Variants in RAP1GAP2 observed in about 807,000 individuals in gnomAD.
RAP1GAP2 encodes the protein rap1 GTPase-activating protein 2.
A neutral mutation model predicts 95.0 loss-of-function variants in RAP1GAP2; 27 were observed. The ratio of observed to expected loss-of-function variants is 0.28; its 90% confidence interval spans 0.21 to 0.39. The LOEUF (loss-of-function observed/expected upper bound fraction) is 0.39. Ranked by LOEUF, RAP1GAP2 falls within the 10% of genes least tolerant of loss-of-function variation. The pLI is 1.00. For synonymous variants in RAP1GAP2, 373 were observed against 380.9 expected, an observed-to-expected ratio of 0.98 and a Z score of 0.24; for missense variants, 771 against 970.0, an observed-to-expected ratio of 0.79 and a Z score of 2.72.
At chr17:2,831,579 A>G (rs538425950) in intron 2 of RAP1GAP2, among the ~76,000 whole-genome samples, 1 of 152,100 alleles carries the variant, frequency 6.6e-6, no homozygotes, top group East Asian at 1.9e-4. Context: ...TTAATTTTGT[A>G]TAACGTAAGT....
intron 2 of RAP1GAP2, among the ~76,000 whole-genome samples, chr17:2,808,747 C>T (rs1480307579): frequency 1.3e-5 from 2 of 152,150 alleles, no homozygotes; most frequent in East Asian, 1.9e-4. Context: ...GACTCTGGTT[C>T]GTTGATTTCT....
intron 1 of RAP1GAP2, among the ~76,000 whole-genome samples, chr17:2,757,355 C>T (rs568763784): frequency 1.1e-4 from 16 of 152,238 alleles, no homozygotes; most frequent in Admixed American, 6.5e-4. Flanking sequence ...CTCCTGGGCT[C>T]GAGCGATCTA....
At position 3,034,844 on chromosome 17, in the gene RAP1GAP2, C is replaced by A. The variant is rs2047429583; in HGVS notation, c.*1483C>A. On this transcript the variant is annotated 3_prime_UTR_variant, in exon 25 of 25. Coordinates refer to ENST00000254695, the MANE Select transcript of RAP1GAP2 (RefSeq NM_015085.5). The surrounding 1 kb of genome is among the most constrained non-coding windows in gnomAD (Gnocchi z 5.1). ...CTCCAGGTACAACGAGCCTGAAGAG[C>A]CCCTTTCAGTGCAGACGGGGCTGCA... The A allele has an allele frequency of 6.6e-6, 1 of 152,312 alleles. No individual in the cohort carries two copies. Among genetic ancestry groups the A allele is most frequent in the South Asian group, 2.1e-4 (1 of 4,840 alleles). The allele number at this position is 152,312 out of a possible 1,614,324, so 9.4% of individuals were successfully genotyped here. A position where few individuals can be genotyped will look rare whatever the true frequency, so the allele number is the denominator to read the frequency against.
At chr17:2,997,750 T>C in intron 13 of RAP1GAP2, among the ~76,000 whole-genome samples, 1 of 151,798 alleles carries the variant, frequency 6.6e-6, no homozygotes, top group East Asian at 1.9e-4. Flanking sequence ...TGGTGAAACC[T>C]CGTCTCTACC....
chr17:2,987,947 T>G (rs1333104815), intron 11 of RAP1GAP2, among the ~76,000 whole-genome samples: 1 of 152,250 alleles, frequency 6.6e-6, no homozygotes, highest in Non-Finnish European at 1.5e-5. Flanking sequence ...TTGCAGAGCC[T>G]TCAGCTGTTT....
At chr17:2,891,415 A>C (rs1480046823) in intron 2 of RAP1GAP2, among the ~76,000 whole-genome samples, 1 of 152,106 alleles carries the variant, frequency 6.6e-6, no homozygotes, top group Non-Finnish European at 1.5e-5. Context: ...TACTGTAATT[A>C]CAGGTGAGAG....
chr17:2,953,365 G>GT (rs1467983186), intron 3 of RAP1GAP2, among the ~76,000 whole-genome samples: 1 of 151,980 alleles, frequency 6.6e-6, no homozygotes, highest in Non-Finnish European at 1.5e-5. Flanking sequence ...GTGTCTGGCT[G>GT]TTTTTATAAA....
intron 1 of RAP1GAP2, among the ~76,000 whole-genome samples, chr17:2,766,513 G>A (rs2068279075): frequency 6.6e-6 from 1 of 152,068 alleles, no homozygotes; most frequent in Non-Finnish European, 1.5e-5. Context: ...GGGAGGCTGA[G>A]GCAGGAGAAT....
At chr17:2,927,331 T>C (rs1349892386) in intron 3 of RAP1GAP2, among the ~76,000 whole-genome samples, 2 of 151,086 alleles carry the variant, frequency 1.3e-5, no homozygotes, top group African/African-American at 2.4e-5. Context: ...TTTTTTGTAT[T>C]TTTAGTAGAG....
chr17:3,005,811 C>A lies in RAP1GAP2; in HGVS notation c.1273-144C>A. ...TGGGATATTTGCAAGTGGGCTTGGC[C>A]TGGGCTAGAAATGATCCGCTGTCGG... On this transcript the variant is annotated intron_variant, in intron 15 of 24. Transcript: ENST00000254695. The surrounding 1 kb of genome is among the most constrained non-coding windows in gnomAD (Gnocchi z 5.2). The A allele has an allele frequency of 2.5e-6, 2 of 787,178 alleles. No homozygotes were observed. The highest frequency in any genetic ancestry group is 4.3e-6 in the Non-Finnish European group (2 of 468,188). 48.8% of individuals were successfully genotyped at this position (787,178 alleles called of 1,614,324 possible).
chr17:2,997,906 C>T (rs2046014616), intron 13 of RAP1GAP2, among the ~76,000 whole-genome samples: 1 of 134,952 alleles, frequency 7.4e-6, no homozygotes. Flanking sequence ...CTGGGCAACA[C>T]AGTGAGACCC....
intron 3 of RAP1GAP2, among the ~76,000 whole-genome samples, chr17:2,942,957 T>G (rs148432052): frequency 6.6e-6 from 1 of 151,922 alleles, no homozygotes. Context: ...TTAGTAGAGA[T>G]GGGGTTTCAC....
chr17:2,899,851 C>A lies in RAP1GAP2; in HGVS notation c.81-5433C>A, dbSNP rs574234185. On this transcript the variant is annotated intron_variant, in intron 2 of 24. Coordinates refer to ENST00000254695, the MANE Select transcript of RAP1GAP2 (RefSeq NM_015085.5). ...AAAATTAATTATTTTTGCTTCATTT[C>A]TTTTTATGGGTGAGCAGTATTCCAC... Among the ~76,000 whole-genome samples, 4 of 152,258 alleles carry A rather than the reference C, an allele frequency of 2.6e-5. No individual in the cohort carries two copies. The East Asian group carries it at 7.7e-4, about 29-fold the overall frequency.
At chr17:2,913,632 A>T (rs750401611) in intron 3 of RAP1GAP2, among the ~76,000 whole-genome samples, 1 of 152,104 alleles carries the variant, frequency 6.6e-6, no homozygotes, top group African/African-American at 2.4e-5. Context: ...CTTCTGGAAG[A>T]TTACTCTAGG....
At chr17:2,858,213 G>T (rs751315345) in intron 2 of RAP1GAP2, among the ~76,000 whole-genome samples, 4 of 152,166 alleles carry the variant, frequency 2.6e-5, no homozygotes, top group Non-Finnish European at 5.9e-5. Context: ...ACTTCTTATG[G>T]TGGGTAGTTA....
At position 2,902,909 on chromosome 17, in the gene RAP1GAP2, G is replaced by A. The variant is rs529902014; in HGVS notation, c.81-2375G>A. On this transcript the variant is annotated intron_variant, in intron 2 of 24. Transcript: ENST00000254695. The surrounding 1 kb of genome is among the most constrained non-coding windows in gnomAD (Gnocchi z 4.1). The stretch of plus-strand genomic sequence containing the variant: ...ATAATCATATGTGCCCTGGTGCCAT[G>A]AGCGTGGACACCTTGTGCCTGATGG... Among the ~76,000 whole-genome samples, 1 of 152,300 alleles carries A rather than the reference G, an allele frequency of 6.6e-6. No homozygotes were observed. The highest frequency in any genetic ancestry group is 2.1e-4 in the South Asian group (1 of 4,826).
chr17:2,785,680 C>A (rs2068754966), intron 1 of RAP1GAP2, among the ~76,000 whole-genome samples: 1 of 152,120 alleles, frequency 6.6e-6, no homozygotes, highest in South Asian at 2.1e-4. Flanking sequence ...CCAAGAATTT[C>A]TTTTTCGGGA....
At chr17:2,812,818 T>C (rs956135191) in intron 2 of RAP1GAP2, among the ~76,000 whole-genome samples, 1 of 151,820 alleles carries the variant, frequency 6.6e-6, no homozygotes, top group Non-Finnish European at 1.5e-5. Flanking sequence ...AATGAAACCC[T>C]GTCTCTACTA....
chr17:2,870,160 C>G lies in RAP1GAP2; in HGVS notation c.81-35124C>G, dbSNP rs886524610. ...GGAGATGGAGTCTCGCACTGTCACCCGGGCTGGAATGCAATGGTGCAATCT... is the reference window on the plus strand; with the variant it reads ...GGAGATGGAGTCTCGCACTGTCACCGGGGCTGGAATGCAATGGTGCAATCT... On this transcript the variant is annotated intron_variant, in intron 2 of 24. Coordinates refer to ENST00000254695, the MANE Select transcript of RAP1GAP2 (RefSeq NM_015085.5). The surrounding 1 kb of genome is among the most constrained non-coding windows in gnomAD (Gnocchi z 4.4). 6.6e-6 allele frequency among the ~76,000 whole-genome samples: 1 copy of G among 151,552 alleles called. No individual in the cohort carries two copies. Among genetic ancestry groups the G allele is most frequent in the Non-Finnish European group, 1.5e-5 (1 of 67,888 alleles).
Sources: gnomAD v4.1 joint callset for allele counts (sites outside exome capture counted in the v4.1 genomes callset) on GRCh38, gnomAD v4.1.1 for gene constraint, Gnocchi (gnomAD v3.1) non-coding constraint, MANE v1.5 for transcripts, NCBI Gene and HGNC (gene_info 2026-07-23, HGNC 2026-07-21) for gene names.